PFKL: variants seen among roughly 807,000 people sequenced by gnomAD.
PFKL encodes ATP-dependent 6-phosphofructokinase, liver type.
Under a neutral mutation model 92.1 loss-of-function variants are expected in PFKL, and 74 were observed. That is an observed-to-expected ratio of 0.80 (90% CI 0.67 to 0.97). The LOEUF (loss-of-function observed/expected upper bound fraction) is 0.97, where lower values mean the gene tolerates loss of function less well. PFKL is among the 50% of genes least tolerant of loss of function. The pLI is 0.00. For missense variants in PFKL, 1,028 were observed against 1,116.6 expected (o/e 0.92, Z 1.13); for synonymous variants, 494 against 456.4 (o/e 1.08, Z -1.05).
intron 12 of PFKL, chr21:44,320,758 C>T (rs2047335435): frequency 6.6e-6 from 1 of 152,368 alleles, no homozygotes; most frequent in African/African-American, 2.4e-5. Flanking sequence ...CTGAAAACCT[C>T]AGGAAATGGG....
rs2047532573 is a variant in PFKL at position 44,326,959 on chromosome 21, G to T, written c.*97G>T. ...GGGCTGTTGTGTCTGGAGCCTGCAG[G>T]CAGGTGGGGGCTGCGTCCCTGCTCA... On this transcript the variant is annotated 3_prime_UTR_variant, in exon 22 of 22. Transcript: ENST00000349048. 1 of 1,152,476 alleles carries T rather than the reference G, an allele frequency of 8.7e-7. No individual in the cohort carries two copies. Among genetic ancestry groups the T allele is most frequent in the Non-Finnish European group, 1.3e-6 (1 of 798,894 alleles). The allele number at this position is 1,152,476 out of a possible 1,614,324, so 71.4% of individuals were successfully genotyped here. A position where few individuals can be genotyped will look rare whatever the true frequency, so the allele number is the denominator to read the frequency against.
Position 44,324,565 on chromosome 21 carries a change from C to T in PFKL, c.1725C>T (p.Tyr575=), listed in dbSNP as rs1602055950. The T allele has an allele frequency of 6.2e-7, 1 of 1,613,314 alleles. No individual in the cohort carries two copies. The highest frequency in any genetic ancestry group is 8.5e-7 in the Non-Finnish European group (1 of 1,179,870). Reference sequence around the variant, plus strand: ...TCATCGTGGAGACCATGGGGGGTTACTGTGGCTACCTGGCCACCGTGACTG... The same window carrying T: ...TCATCGTGGAGACCATGGGGGGTTATTGTGGCTACCTGGCCACCGTGACTG... ...RVFIVETMGG[Y]CGYLATVTGI... Residue 575 remains tyrosine, a synonymous_variant, in exon 17 of 22, where the codon TAC becomes TAT. Coordinates refer to ENST00000349048, the MANE Select transcript of PFKL (RefSeq NM_002626.6).
intron 7 of PFKL, 90 bp downstream of exon 7, chr21:44,314,111 A>C: frequency 3.5e-6 from 3 of 848,466 alleles, no homozygotes; most frequent in Non-Finnish European, 5.7e-6. Flanking sequence ...TGACCAACTC[A>C]TCTATCACTC....
At chr21:44,324,284 C>G (rs1220607082) in intron 16 of PFKL, 1 of 608,604 alleles carries the variant, frequency 1.6e-6, no homozygotes, top group East Asian at 2.8e-5. Flanking sequence ...CCACTGTGCC[C>G]TGGGGGGTGG....
chr21:44,324,365 GCTGT>G (rs996142730), intron 16 of PFKL, 122 bp from the exon 17 acceptor site: 17 of 936,360 alleles, frequency 1.8e-5, no homozygotes, highest in African/African-American at 3.3e-5. Context: ...GGTGCTGCTG[GCTGT>G]CTGGGTGCGT....
In PFKL at chr21:44,325,153, G is replaced by A. The variant is rs1360462699; in HGVS notation, c.1878G>A (p.Arg626=). The A allele has an allele frequency of 6.2e-7, 1 of 1,604,620 alleles. No homozygotes were observed. Among genetic ancestry groups the A allele is most frequent in the Non-Finnish European group, 8.5e-7 (1 of 1,172,136 alleles). The change falls in exon 19 of 22, where the codon CGG becomes CGA. Residue 626 remains arginine, a splice_region_variant and synonymous_variant. Transcript: ENST00000349048. The stretch of plus-strand genomic sequence containing the variant: ...ACTCAGGCCCTGCTGCCCCTCTCAG[G>A]AACGAGAAGTGCCATGACTACTACA... ...KTDIQRGLVL[R]NEKCHDYYTT...
rs978280049 is a variant in PFKL at position 44,311,216 on chromosome 21, G to A, written c.237+133G>A. Reference sequence around the variant, plus strand: ...CACACACATGCAGACACACAGACATGCACACAGACGCACACACACACAGAT... The same window carrying A: ...CACACACATGCAGACACACAGACATACACACAGACGCACACACACACAGAT... On this transcript the variant is annotated intron_variant, in intron 3 of 21. Coordinates refer to ENST00000349048, the MANE Select transcript of PFKL (RefSeq NM_002626.6). 5.9e-5 allele frequency: 38 copies of A among 643,854 alleles called. No homozygotes were observed. The South Asian group carries it at 5.9e-4, about 10-fold the overall frequency. 39.9% of individuals were successfully genotyped at this position (643,854 alleles called of 1,614,324 possible).
chr21:44,319,826 G>T (rs2047312468), intron 11 of PFKL: 1 of 516,302 alleles, frequency 1.9e-6, no homozygotes, highest in East Asian at 3.3e-5. Flanking sequence ...CGCTACCAAG[G>T]TGGCCAACCC....
chr21:44,307,789 C>T (rs1827016761), intron 2 of PFKL, among the ~76,000 whole-genome samples: 2 of 152,168 alleles, frequency 1.3e-5, no homozygotes, highest in East Asian at 3.9e-4. Flanking sequence ...GGTGTGGGGG[C>T]CTCTCTAGGC....
chr21:44,312,182 G>A lies in PFKL; in HGVS notation c.315G>A (p.Leu105=). The change falls in exon 4 of 22, where the codon CTG becomes CTA. Residue 105 remains leucine (L), a synonymous_variant. Coordinates refer to ENST00000349048, the MANE Select transcript of PFKL (RefSeq NM_002626.6). ...REGRRAAAYN[L]VQHGITNLCV... is the part of the protein sequence containing the mutation. ...GGCGCCGGGCAGCGGCCTACAACCT[G>A]GTCCAGCACGGCATCACCAACCTGT... The A allele has an allele frequency of 6.2e-7, 1 of 1,603,552 alleles. No homozygotes were observed.
intron 1 of PFKL, 88 bp from the exon 2 acceptor site, chr21:44,306,593 C>T (rs2040950485): frequency 2.5e-6 from 3 of 1,203,454 alleles, no homozygotes; most frequent in East Asian, 2.5e-5. Context: ...GTCCAGGCCT[C>T]CCCTACCCCC....
In PFKL at chr21:44,326,908, G is replaced by C; in HGVS notation, c.*46G>C. 6.5e-7 allele frequency: 1 copy of C among 1,537,942 alleles called. No individual in the cohort carries two copies. Among genetic ancestry groups the C allele is most frequent in the Non-Finnish European group, 8.9e-7 (1 of 1,129,006 alleles). On this transcript the variant is annotated 3_prime_UTR_variant, in exon 22 of 22. Transcript: ENST00000349048. ...CTCCCCAGCCCCCACCCATGCCAGC[G>C]CAGCGCCAGGGCTCAGATGGGGCCT...
chr21:44,302,564 G>A (rs1436540823), intron 1 of PFKL, among the ~76,000 whole-genome samples: 3 of 152,212 alleles, frequency 2.0e-5, no homozygotes, highest in Non-Finnish European at 4.4e-5. Flanking sequence ...CCTGGCCGAG[G>A]GGAAGCCTGT....
In PFKL at chr21:44,321,737, C is replaced by A; in HGVS notation, c.1200C>A (p.Phe400Leu). Residue 400 changes from phenylalanine to leucine, a missense_variant, in exon 13 of 22, where the codon TTC (phenylalanine) becomes TTA (leucine). By Grantham distance (22) the Phe-to-Leu change is conservative. Coordinates refer to ENST00000349048, the MANE Select transcript of PFKL (RefSeq NM_002626.6). Reference protein sequence around the residue: ...HQKPPKEKSNFSLAILNVGAP... With the variant: ...HQKPPKEKSNLSLAILNVGAP... ...TCCCCTTCTCTCTGAAGTCTAACTT[C>A]TCCCTGGCCATCCTGAATGTGGGGG... The A allele has an allele frequency of 6.4e-7, 1 of 1,573,546 alleles. No homozygotes were observed. Among genetic ancestry groups the A allele is most frequent in the Non-Finnish European group, 8.6e-7 (1 of 1,160,408 alleles).
intron 1 of PFKL, chr21:44,305,410 C>G: frequency 7.3e-7 from 1 of 1,362,600 alleles, no homozygotes; most frequent in Non-Finnish European, 9.8e-7. Flanking sequence ...AGCAGGAGCC[C>G]CCAGCAGGTC....
intron 1 of PFKL, among the ~76,000 whole-genome samples, chr21:44,304,840 G>T (rs1216419196): frequency 6.6e-6 from 1 of 151,976 alleles, no homozygotes; most frequent in African/African-American, 2.4e-5. Context: ...CTGGGTTCCC[G>T]CCCCAGTTTC....
At chr21:44,320,756 C>T (rs772865598) in intron 12 of PFKL, 1 of 152,386 alleles carries the variant, frequency 6.6e-6, no homozygotes, top group Non-Finnish European at 1.5e-5. Context: ...AGCTGAAAAC[C>T]TCAGGAAATG....
At chr21:44,319,990 T>A in intron 11 of PFKL, 94 bp from the exon 12 acceptor site, 1 of 1,161,758 alleles carries the variant, frequency 8.6e-7, no homozygotes, top group South Asian at 1.2e-5. Flanking sequence ...GCCGTGTGCC[T>A]GTGACCAGCC....
chr21:44,305,780 C>G, intron 1 of PFKL: 1 of 1,365,988 alleles, frequency 7.3e-7, no homozygotes, highest in Non-Finnish European at 9.8e-7. Flanking sequence ...GCCGCCTCCC[C>G]CGTTAATGTC....
Sources: allele counts gnomAD v4.1 joint callset (sites outside exome capture counted in the v4.1 genomes callset), GRCh38; gene constraint gnomAD v4.1.1; transcripts MANE v1.5; gene names NCBI Gene and HGNC (gene_info 2026-07-23, HGNC 2026-07-21).